The following LOC400499 variants were observed in gnomAD, a reference collection of about 807,000 sequenced individuals.
At chr16:11,460,936 C>T in the LOC400499 span, 2 of 1,505,028 alleles carry the variant, frequency 1.3e-6, no homozygotes, top group East Asian at 2.5e-5. Context: ...CCTCCACCTG[C>T]CCCGCAACCA....
At chr16:11,455,174 G>A in the LOC400499 span, among the ~76,000 whole-genome samples, 2 of 152,104 alleles carry the variant, frequency 1.3e-5, no homozygotes, top group Admixed American at 6.5e-5. Flanking sequence ...ATATATCTCA[G>A]CTATGTAAGA....
the LOC400499 span, among the ~76,000 whole-genome samples, chr16:11,377,766 C>T: frequency 1.3e-5 from 2 of 152,208 alleles, no homozygotes; most frequent in Admixed American, 6.5e-5. Flanking sequence ...CTATTTTCCT[C>T]TGGTGCTTTG....
the LOC400499 span, among the ~76,000 whole-genome samples, chr16:11,398,887 C>T: frequency 3.3e-3 from 503 of 152,198 alleles, no homozygotes; most frequent in Non-Finnish European, 5.9e-3. Flanking sequence ...CAGGTGATCC[C>T]CCCACCTCAG....
chr16:11,521,657 A>G, the LOC400499 span, among the ~76,000 whole-genome samples: 1 of 152,116 alleles, frequency 6.6e-6, no homozygotes, highest in Non-Finnish European at 1.5e-5. Flanking sequence ...CCTAGGGCAC[A>G]GTATGTCCCC....
At chr16:11,401,409 A>T in the LOC400499 span, 13 of 399,534 alleles carry the variant, frequency 3.3e-5, no homozygotes, top group African/African-American at 2.3e-4. Flanking sequence ...ACCAGCACCT[A>T]GGGAGGGAGA....
the LOC400499 span, chr16:11,392,836 C>T: frequency 2.0e-6 from 2 of 978,816 alleles, no homozygotes; most frequent in Non-Finnish European, 1.2e-6. Context: ...CCCTACCCCA[C>T]CAGGTTTTTT....
At chr16:11,479,589 C>T in the LOC400499 span, among the ~76,000 whole-genome samples, 1 of 152,094 alleles carries the variant, frequency 6.6e-6, no homozygotes, top group Non-Finnish European at 1.5e-5. Flanking sequence ...TGCCACTATA[C>T]TCCAGCCTGG....
At chr16:11,420,157 C>T in the LOC400499 span, among the ~76,000 whole-genome samples, 19 of 149,962 alleles carry the variant, frequency 1.3e-4, no homozygotes, top group Non-Finnish European at 2.1e-4. Context: ...ATGTTTATTG[C>T]GGCACTATTC....
the LOC400499 span, among the ~76,000 whole-genome samples, chr16:11,422,148 C>G: frequency 0.015 from 2,298 of 152,312 alleles, 41 homozygotes; most frequent in African/African-American, 0.048. Context: ...TGCCTGTAAT[C>G]CCAGCACTTT....
the LOC400499 span, chr16:11,473,207 A>T: frequency 1.3e-5 from 2 of 151,736 alleles, no homozygotes; most frequent in Non-Finnish European, 2.9e-5. Context: ...GATTTCTAAA[A>T]TTTTTTTCTG....
chr16:11,433,322 G>T, the LOC400499 span, among the ~76,000 whole-genome samples: 76,898 of 151,930 alleles, frequency 0.51, 21,072 homozygotes, highest in African/African-American at 0.71. Flanking sequence ...TGGTGGCAAT[G>T]CTGAAGACAA....
the LOC400499 span, chr16:11,387,191 G>A: frequency 5.0e-5 from 61 of 1,232,176 alleles, no homozygotes; most frequent in Non-Finnish European, 5.6e-5. Context: ...CTCTCGGAGC[G>A]GCCGCAGCAG....
At chr16:11,451,551 A>AAAACAAAC in the LOC400499 span, among the ~76,000 whole-genome samples, 2 of 149,590 alleles carry the variant, frequency 1.3e-5, no homozygotes, top group Admixed American at 1.3e-4. Flanking sequence ...ACCCTGTCTC[A>AAAACAAAC]AAACAAACAA....
chr16:11,396,098 G>T, the LOC400499 span, among the ~76,000 whole-genome samples: 33,329 of 152,152 alleles, frequency 0.22, 3,818 homozygotes, highest in African/African-American at 0.27. Context: ...TGCTCTAAGC[G>T]ATCTATGCCT....
chr16:11,488,842 G>C, the LOC400499 span: 4 of 398,784 alleles, frequency 1.0e-5, no homozygotes, highest in South Asian at 5.1e-4. Context: ...GCAGCTGCAG[G>C]ATGTGACTCC....
chr16:11,410,021 G>T, the LOC400499 span, among the ~76,000 whole-genome samples: 1 of 152,190 alleles, frequency 6.6e-6, no homozygotes, highest in African/African-American at 2.4e-5. Flanking sequence ...GGTACCACCT[G>T]TAGTCCCAGC....
chr16:11,383,999 C>T, the LOC400499 span: 2 of 1,231,802 alleles, frequency 1.6e-6, no homozygotes, highest in African/African-American at 1.5e-5. Context: ...GCCCTGCAGT[C>T]ACCACCCACC....
the LOC400499 span, among the ~76,000 whole-genome samples, chr16:11,459,394 C>A: frequency 2.6e-5 from 4 of 151,736 alleles, no homozygotes; most frequent in African/African-American, 9.7e-5. Context: ...GACGGTGTTT[C>A]GCCGTGTTAG....
the LOC400499 span, among the ~76,000 whole-genome samples, chr16:11,464,082 A>G: frequency 6.6e-6 from 1 of 152,218 alleles, no homozygotes; most frequent in Non-Finnish European, 1.5e-5. Flanking sequence ...ATGTGTGTAT[A>G]TACGAATGTA....
Sources: allele counts gnomAD v4.1 joint callset (sites outside exome capture counted in the v4.1 genomes callset), GRCh38; gene constraint gnomAD v4.1.1; transcripts MANE v1.5.